The following COMMD1 variants were observed in gnomAD, a reference collection of about 807,000 sequenced individuals.
COMMD1 encodes the protein COMM domain-containing protein 1.
COMMD1 carries 10 observed loss-of-function variants against 17.2 expected under a neutral mutation model. The observed-to-expected ratio is 0.58, with a 90% CI of 0.36 to 0.99. The LOEUF is 0.99. COMMD1 is among the 50% of genes least tolerant of loss of function. The pLI, the probability that COMMD1 is intolerant of heterozygous loss-of-function variation, is 0.01. For missense variants in COMMD1, 270 were observed against 231.8 expected, an observed-to-expected ratio of 1.17 and a Z score of -1.07; for synonymous variants, 97 against 91.6, an observed-to-expected ratio of 1.06 and a Z score of -0.34.
At chr2:62,120,068 G>A (rs1009444217) in intron 2 of COMMD1, among the ~76,000 whole-genome samples, 3 of 152,166 alleles carry the variant, frequency 2.0e-5, no homozygotes, top group African/African-American at 4.8e-5. Flanking sequence ...CCCGATCACA[G>A]CTCACTACAG....
chr2:62,078,239 CAAAAAAAAAAAAAA>C (rs56320690), intron 2 of COMMD1, among the ~76,000 whole-genome samples: 8 of 19,848 alleles, frequency 4.0e-4, no homozygotes, highest in African/African-American at 1.3e-3. Context: ...CACACCAATG[CAAAAAAAAAAAAAA>C]AAAAAAAAAA....
intron 1 of COMMD1, among the ~76,000 whole-genome samples, chr2:61,898,125 A>C (rs1009306833): frequency 1.3e-5 from 2 of 152,218 alleles, no homozygotes; most frequent in Non-Finnish European, 2.9e-5. Context: ...AGGCAGAGAC[A>C]GTCATTCATT....
chr2:62,022,603 T>G (rs145262486), intron 2 of COMMD1, among the ~76,000 whole-genome samples: 462 of 152,086 alleles, frequency 3.0e-3, no homozygotes, highest in African/African-American at 0.01. Context: ...TTTTTTTTTT[T>G]TGGCCAAATC....
intron 1 of COMMD1, among the ~76,000 whole-genome samples, chr2:61,959,704 T>C (rs1241996699): frequency 1.3e-5 from 2 of 152,226 alleles, no homozygotes; most frequent in African/African-American, 4.8e-5. Flanking sequence ...CCTTTAATTA[T>C]GTTGGGAATG....
intron 1 of COMMD1, among the ~76,000 whole-genome samples, chr2:61,958,412 A>G (rs1671250963): frequency 6.6e-6 from 1 of 151,974 alleles, no homozygotes; most frequent in Non-Finnish European, 1.5e-5. Context: ...GATTACAGGC[A>G]TGTGCCATCA....
chr2:62,130,282 T>C (rs1016658038), intron 2 of COMMD1, among the ~76,000 whole-genome samples: 2 of 151,438 alleles, frequency 1.3e-5, no homozygotes, highest in African/African-American at 2.4e-5. Context: ...TTTTTTTTTT[T>C]TTTCTTTTTT....
intron 2 of COMMD1, among the ~76,000 whole-genome samples, chr2:62,002,043 G>T (rs969013334): frequency 6.6e-6 from 1 of 152,070 alleles, no homozygotes; most frequent in Admixed American, 6.6e-5. Context: ...GGTGGCACAT[G>T]CCTGTAATCC....
intron 2 of COMMD1, among the ~76,000 whole-genome samples, chr2:62,081,340 C>T (rs1196185681): frequency 6.6e-6 from 1 of 151,846 alleles, no homozygotes. Context: ...CAACCTCCGC[C>T]TCCCGGGTTC....
chr2:61,905,615 G>T, upstream of COMMD1: 1 of 1,453,218 alleles, frequency 6.9e-7, no homozygotes, highest in Non-Finnish European at 9.2e-7. Context: ...AGGCTATTTA[G>T]GCACATCTCG....
chr2:61,982,226 C>T (rs1480273138), intron 1 of COMMD1, among the ~76,000 whole-genome samples: 1 of 151,940 alleles, frequency 6.6e-6, no homozygotes, highest in Admixed American at 6.6e-5. Context: ...TAAGATAATT[C>T]CTAGGTATTT....
At chr2:61,919,314 G>A (rs902363325) in intron 1 of COMMD1, among the ~76,000 whole-genome samples, 8 of 151,738 alleles carry the variant, frequency 5.3e-5, no homozygotes, top group Non-Finnish European at 1.0e-4. Context: ...GCCTGGGCTC[G>A]GCCTCTTTTT....
rs751031218 is a variant in COMMD1, at chr2:61,932,702, G to T, written c.180+26844G>T. ...CCCCCTTGCTGGACTTGTGACAGGG[G>T]TGTGGCTTGTTTACTTGGCTGCCGT... On this transcript the variant is annotated intron_variant, in intron 1 of 2. Coordinates refer to ENST00000311832, the MANE Select transcript of COMMD1 (RefSeq NM_152516.4). Among the ~76,000 whole-genome samples, 118 of 152,190 alleles carry T rather than the reference G, an allele frequency of 7.8e-4. 2 individuals carry two copies. Among genetic ancestry groups the T allele is most frequent in the Non-Finnish European group, 2.8e-4 (19 of 68,030 alleles).
intron 1 of COMMD1, among the ~76,000 whole-genome samples, chr2:61,938,244 G>A (rs1280020055): frequency 1.3e-5 from 2 of 151,624 alleles, no homozygotes; most frequent in Non-Finnish European, 2.9e-5. Flanking sequence ...CAGGCCCCAC[G>A]GAGGAGCAGC....
chr2:62,076,309 T>A (rs1358026055), intron 2 of COMMD1, among the ~76,000 whole-genome samples: 7 of 152,194 alleles, frequency 4.6e-5, no homozygotes, highest in Non-Finnish European at 1.0e-4. Flanking sequence ...ACAGATAAAG[T>A]GCTGAGAGGG....
chr2:61,965,325 A>T (rs903866080), intron 1 of COMMD1, among the ~76,000 whole-genome samples: 10 of 152,204 alleles, frequency 6.6e-5, no homozygotes, highest in African/African-American at 2.4e-4. Flanking sequence ...TAATTTCAAG[A>T]TGGCAATTTC....
chr2:62,073,442 G>A (rs142040775), intron 2 of COMMD1, among the ~76,000 whole-genome samples: 29 of 152,082 alleles, frequency 1.9e-4, no homozygotes, highest in African/African-American at 7.0e-4. Flanking sequence ...TACCAACCTC[G>A]TCTTTAGACA....
In COMMD1 at chr2:62,000,705, T is replaced by C; in HGVS notation, c.185T>C (p.Ile62Thr). The change falls in exon 2 of 3, where the codon ATT becomes ACT. Residue 62 changes from isoleucine (I) to threonine (T), a missense_variant. Coordinates refer to ENST00000311832, the MANE Select transcript of COMMD1 (RefSeq NM_152516.4). ...CTTTTTCTGTCATCTTTATAGTCTA[T>C]TGCGTCTGCAGACATGGATTTCAAC... ...LAKMRGILKS[I>T]ASADMDFNQL... The C allele has an allele frequency of 6.2e-7, 1 of 1,614,152 alleles. No homozygotes were observed. The highest frequency in any genetic ancestry group is 8.5e-7 in the Non-Finnish European group (1 of 1,180,034).
At chr2:61,908,088 G>T (rs1222378509) in intron 1 of COMMD1, among the ~76,000 whole-genome samples, 2 of 152,174 alleles carry the variant, frequency 1.3e-5, no homozygotes, top group African/African-American at 4.8e-5. Context: ...TTGGTGTTGG[G>T]AGTAGGCAAC....
chr2:61,931,456 A>T (rs1181934169), intron 1 of COMMD1, among the ~76,000 whole-genome samples: 1 of 152,210 alleles, frequency 6.6e-6, no homozygotes, highest in African/African-American at 2.4e-5. Flanking sequence ...CTTTTTGGCA[A>T]AGCCTTCAGT....
Sources: allele counts gnomAD v4.1 joint callset (sites outside exome capture counted in the v4.1 genomes callset), GRCh38; gene constraint gnomAD v4.1.1; transcripts MANE v1.5; gene names NCBI Gene and HGNC (gene_info 2026-07-23, HGNC 2026-07-21).